The following SVEP1 variants were observed in gnomAD, a reference collection of about 807,000 sequenced individuals.
SVEP1 encodes sushi, von Willebrand factor type A, EGF and pentraxin domain-containing protein 1.
A neutral mutation model predicts 367.3 loss-of-function variants in SVEP1; 164 were observed. The ratio of observed to expected loss-of-function variants is 0.45; its 90% CI spans 0.39 to 0.51. The LOEUF is 0.51. Among genes scored for constraint, SVEP1 ranks in the 20% least tolerant of loss-of-function variants. The pLI is 0.00. For synonymous variants in SVEP1, 1,666 were observed against 1,611.6 expected (o/e 1.03, Z -0.81); for missense variants, 4,117 against 4,425.3 (o/e 0.93, Z 1.98).
intron 27 of SVEP1, among the ~76,000 whole-genome samples, chr9:110,440,513 T>C (rs1250766138): frequency 6.6e-6 from 1 of 152,346 alleles, no homozygotes; most frequent in Non-Finnish European, 1.5e-5. Flanking sequence ...TTCTAAGAGA[T>C]GATAATTCTA....
At chr9:110,501,179 T>G (rs910505094) in intron 6 of SVEP1, among the ~76,000 whole-genome samples, 1 of 148,208 alleles carries the variant, frequency 6.7e-6, no homozygotes, top group Non-Finnish European at 1.5e-5. Flanking sequence ...TATAAATAAT[T>G]TATATATAAA....
chr9:110,575,728 T>G (rs1248953148), intron 1 of SVEP1, among the ~76,000 whole-genome samples: 1 of 152,138 alleles, frequency 6.6e-6, no homozygotes, highest in Non-Finnish European at 1.5e-5. Flanking sequence ...GCCACACACT[T>G]GGGTCACTGA....
chr9:110,390,962 T>G (rs747882936), intron 40 of SVEP1, among the ~76,000 whole-genome samples: 2 of 152,188 alleles, frequency 1.3e-5, no homozygotes, highest in Non-Finnish European at 2.9e-5. Context: ...GAACTCCTAT[T>G]ATTTTGAAGC....
chr9:110,481,867 C>T (rs1024916568), intron 11 of SVEP1, among the ~76,000 whole-genome samples: 2 of 152,058 alleles, frequency 1.3e-5, no homozygotes, highest in Non-Finnish European at 2.9e-5. Context: ...CACATGCCAC[C>T]ATGCCTGGCT....
At chr9:110,533,586 C>G (rs1217047924) in intron 3 of SVEP1, among the ~76,000 whole-genome samples, 2 of 43,428 alleles carry the variant, frequency 4.6e-5, no homozygotes, top group Non-Finnish European at 1.2e-4. Context: ...GTTACTATCT[C>G]TGTGTGTCTG....
chr9:110,541,738 C>G (rs1344876955), intron 3 of SVEP1, among the ~76,000 whole-genome samples: 1 of 149,964 alleles, frequency 6.7e-6, no homozygotes, highest in East Asian at 2.0e-4. Context: ...AATCTATATA[C>G]ATATCTACAT....
chr9:110,518,018 A>G (rs570280332), intron 3 of SVEP1, among the ~76,000 whole-genome samples: 4 of 152,290 alleles, frequency 2.6e-5, no homozygotes, highest in Non-Finnish European at 1.5e-5. Context: ...TGGTTTTACA[A>G]GGTATGTATT....
intron 1 of SVEP1, among the ~76,000 whole-genome samples, chr9:110,557,002 A>G (rs1444578157): frequency 6.6e-6 from 1 of 152,208 alleles, no homozygotes; most frequent in Non-Finnish European, 1.5e-5. Flanking sequence ...ACAACACACC[A>G]TAAGCTACTT....
intron 14 of SVEP1, among the ~76,000 whole-genome samples, chr9:110,474,959 TATA>T: frequency 6.6e-6 from 1 of 150,932 alleles, no homozygotes; most frequent in Middle Eastern, 3.5e-3. Context: ...GTTTTATATA[TATA>T]ATAATATGTA....
intron 28 of SVEP1, among the ~76,000 whole-genome samples, chr9:110,436,131 TGCA>T (rs1828427808): frequency 6.6e-6 from 1 of 151,986 alleles, no homozygotes; most frequent in South Asian, 2.1e-4. Context: ...AACATTATTT[TGCA>T]AAATCTAAAA....
intron 3 of SVEP1, among the ~76,000 whole-genome samples, chr9:110,534,336 T>C (rs1175253337): frequency 1.3e-5 from 2 of 152,242 alleles, no homozygotes; most frequent in Admixed American, 1.3e-4. Context: ...ACTCCATCTA[T>C]GTTCCTGCAA....
Position 110,465,953 on chromosome 9 carries a change from C to T in SVEP1, c.3234G>A (p.Gln1078=). The T allele has an allele frequency of 6.2e-7, 1 of 1,613,024 alleles. No individual in the cohort carries two copies. Among genetic ancestry groups the T allele is most frequent in the East Asian group, 2.2e-5 (1 of 44,874 alleles). The part of the protein sequence containing the change: ...TCESCPLGTY[Q]PKFGSRSCLS... ...GGCAGCTCCGGGAACCAAATTTTGG[C>T]TGATAAGTGCCCAGTGGACACGATT... is the stretch of plus-strand genomic sequence containing the variant. Residue 1078 remains glutamine (Q), a synonymous_variant, in exon 18 of 48, where the codon CAG becomes CAA. Transcript: ENST00000374469.
At chr9:110,375,533 CTTAGA>C in intron 45 of SVEP1, 70 bp from the exon 46 acceptor site, 1 of 1,349,688 alleles carries the variant, frequency 7.4e-7, no homozygotes. Context: ...AAGTACACAT[CTTAGA>C]TAGGTTCAAG....
chr9:110,503,643 A>C (rs984791318), intron 5 of SVEP1, among the ~76,000 whole-genome samples: 1 of 152,204 alleles, frequency 6.6e-6, no homozygotes. Flanking sequence ...CTTGGTTCTT[A>C]GACCTCATGG....
intron 32 of SVEP1, among the ~76,000 whole-genome samples, chr9:110,431,433 G>C (rs1302584195): frequency 1.3e-5 from 2 of 152,200 alleles, no homozygotes; most frequent in African/African-American, 2.4e-5. Flanking sequence ...AACGGGTTGA[G>C]AGATGATCTG....
In SVEP1 at chr9:110,476,185, T is replaced by C. The variant is rs986790280; in HGVS notation, c.2599+19A>G. ...GCAGATTAGTCTTGCCAACTACCGA[T>C]GCCACAGAATTTAATTACCAATTGC... On this transcript the variant is annotated intron_variant, in intron 14 of 47. Transcript: ENST00000374469. The C allele has an allele frequency of 6.6e-7, 1 of 1,507,348 alleles. No individual in the cohort carries two copies. Among genetic ancestry groups the C allele is most frequent in the Non-Finnish European group, 9.2e-7 (1 of 1,084,322 alleles). The allele number at this position is 1,507,348 out of a possible 1,614,324, so 93.4% of individuals were successfully genotyped here. A position where few individuals can be genotyped will look rare whatever the true frequency, so the allele number is the denominator to read the frequency against.
rs1564127282 is a variant in SVEP1 at position 110,390,144 on chromosome 9, CAAGTATATACATACATACTTAT to C, written c.9823-579_9823-558del. On this transcript the variant is annotated intron_variant, in intron 40 of 47. Transcript: ENST00000374469. The stretch of plus-strand genomic sequence containing the variant: ...ATACATACTTATATAAGTATATATA[CAAGTATATACATACATACTTAT>C]ATAAGTATGTATGTATATATACACT... 2.7e-4 allele frequency among the ~76,000 whole-genome samples: 26 copies of C among 97,480 alleles called. No individual in the cohort carries two copies. The South Asian group carries it at 7.0e-3, about 26-fold the overall frequency. The allele number at this position is 97,480 out of a possible 152,430, so 64.0% of individuals were successfully genotyped here.
At chr9:110,502,445 T>A (rs1438268222) in intron 6 of SVEP1, among the ~76,000 whole-genome samples, 1 of 152,126 alleles carries the variant, frequency 6.6e-6, no homozygotes, top group East Asian at 1.9e-4. Flanking sequence ...TATTTTAAAT[T>A]CTATTTTATT....
intron 1 of SVEP1, among the ~76,000 whole-genome samples, chr9:110,565,209 G>T (rs1307568292): frequency 6.6e-6 from 1 of 152,158 alleles, no homozygotes; most frequent in African/African-American, 2.4e-5. Flanking sequence ...GCAGGGGAAC[G>T]CTGAGTAACT....
Sources: allele counts gnomAD v4.1 joint callset (sites outside exome capture counted in the v4.1 genomes callset), GRCh38; gene constraint gnomAD v4.1.1; transcripts MANE v1.5; gene names NCBI Gene and HGNC (gene_info 2026-07-23, HGNC 2026-07-21).